The following BCAS3 variants were observed in gnomAD, a reference collection of about 807,000 sequenced individuals.
BCAS3 encodes BCAS4/BCAS3 fusion.
A neutral mutation model predicts 116.1 loss-of-function variants in BCAS3; 53 were observed. The ratio of observed to expected loss-of-function variants is 0.46; its 90% CI spans 0.37 to 0.57. The LOEUF (loss-of-function observed/expected upper bound fraction) is 0.57, where lower values mean the gene tolerates loss of function less well. Ranked by LOEUF, BCAS3 falls within the 20% of genes least tolerant of loss-of-function variation. The pLI is 0.00. For missense variants in BCAS3, 917 were observed against 1,165.4 expected, an observed-to-expected ratio of 0.79 and a Z score of 3.10; for synonymous variants, 391 against 408.2, an observed-to-expected ratio of 0.96 and a Z score of 0.51.
intron 14 of BCAS3, among the ~76,000 whole-genome samples, 192 bp from the exon 15 acceptor site, chr17:60,989,779 T>G (rs1011311921): frequency 5.9e-5 from 9 of 152,212 alleles, no homozygotes; most frequent in African/African-American, 2.2e-4. Context: ...GAAGTAACAT[T>G]CTACCTAATG....
chr17:60,843,550 C>T lies in BCAS3; in HGVS notation c.477-25026C>T, dbSNP rs188437935. Reference sequence around the variant, plus strand: ...ATTTGTTGAAGTTAAGAATATATCCCATCTCCATATTTTTGGCAAGATGTG... The same window carrying T: ...ATTTGTTGAAGTTAAGAATATATCCTATCTCCATATTTTTGGCAAGATGTG... On this transcript the variant is annotated intron_variant, in intron 7 of 23. Coordinates refer to ENST00000407086, the MANE Select transcript of BCAS3 (RefSeq NM_017679.5). Among the ~76,000 whole-genome samples, 20 of 152,152 alleles carry T rather than the reference C, an allele frequency of 1.3e-4. No individual in the cohort carries two copies. The East Asian group carries it at 3.9e-3, about 29-fold the overall frequency.
chr17:61,076,854 C>T (rs1413365883), intron 20 of BCAS3, among the ~76,000 whole-genome samples: 5 of 152,200 alleles, frequency 3.3e-5, no homozygotes, highest in Admixed American at 3.3e-4. Context: ...GAGCATTTTT[C>T]TCCCTGTGAT....
At chr17:61,177,662 A>G (rs2079223655) in intron 22 of BCAS3, among the ~76,000 whole-genome samples, 2 of 152,172 alleles carry the variant, frequency 1.3e-5, no homozygotes. Flanking sequence ...TACATATGTT[A>G]AAACTTGTAA....
chr17:60,989,894 T>G (rs1181126451), intron 14 of BCAS3, 77 bp from the exon 15 acceptor site: 1 of 1,440,914 alleles, frequency 6.9e-7, no homozygotes, highest in Non-Finnish European at 9.5e-7. Context: ...TATATTCATA[T>G]TTGGTGATGT....
In BCAS3 at chr17:61,302,689, T is replaced by G. The variant is rs1015134995; in HGVS notation, c.2426-65638T>G. ...ACAGAATTCTAGAATTCATATTTTT[T>G]TTTCAGCTTTGAAAGAACAGACAAC... On this transcript the variant is annotated intron_variant, in intron 22 of 23. Transcript: ENST00000407086. The surrounding 1 kb of genome is among the most constrained non-coding windows in gnomAD (Gnocchi z 4.4). Among the ~76,000 whole-genome samples, 1 of 152,202 alleles carries G rather than the reference T, an allele frequency of 6.6e-6. No homozygotes were observed. Among genetic ancestry groups the G allele is most frequent in the Non-Finnish European group, 1.5e-5 (1 of 68,032 alleles).
intron 22 of BCAS3, among the ~76,000 whole-genome samples, chr17:61,264,805 T>C (rs2049532932): frequency 6.6e-6 from 1 of 152,198 alleles, no homozygotes. Flanking sequence ...GACATGAGAA[T>C]GGGAAATGGC....
rs1389210623 is a variant in BCAS3 at position 61,152,868 on chromosome 17, A to T, written c.2425+68304A>T. ...AAGGATCTAAAACAGCCTCCTGGAG[A>T]TTTATTTTTCTGTAAGGGAATCCCT... On this transcript the variant is annotated intron_variant, in intron 22 of 23. Coordinates refer to ENST00000407086, the MANE Select transcript of BCAS3 (RefSeq NM_017679.5). Among the ~76,000 whole-genome samples, 8 of 152,242 alleles carry T rather than the reference A, an allele frequency of 5.3e-5. No homozygotes were observed. The South Asian group carries it at 1.5e-3, about 28-fold the overall frequency.
intron 4 of BCAS3, among the ~76,000 whole-genome samples, chr17:60,694,243 T>C (rs369173300): frequency 0.017 from 2,466 of 148,982 alleles, 37 homozygotes; most frequent in African/African-American, 0.044. Context: ...TGGCTCATGC[T>C]TGTAATCCCA....
At chr17:61,271,424 A>T (rs868689498) in intron 22 of BCAS3, among the ~76,000 whole-genome samples, 204 of 70,212 alleles carry the variant, frequency 2.9e-3, no homozygotes, top group South Asian at 7.7e-3. Context: ...CCATGCCCGG[A>T]TTTTTTTTTT....
At chr17:60,877,728 G>C (rs1475324989) in intron 9 of BCAS3, among the ~76,000 whole-genome samples, 1 of 152,116 alleles carries the variant, frequency 6.6e-6, no homozygotes, top group Non-Finnish European at 1.5e-5. Context: ...TTAAGTCCTG[G>C]TCAAGTGGCT....
In BCAS3 at chr17:61,136,970, C is replaced by T. The variant is rs114994269; in HGVS notation, c.2425+52406C>T. On this transcript the variant is annotated intron_variant, in intron 22 of 23. Coordinates refer to ENST00000407086, the MANE Select transcript of BCAS3 (RefSeq NM_017679.5). This position sits in a 1 kb window ranked among gnomAD's most constrained non-coding sequence, Gnocchi z 4.4. ...TAGTTGATTCACATTGAATTGTATA[C>T]ATCAAATGTAAGAATTATGAATTAC... is the stretch of plus-strand genomic sequence containing the variant. Among the ~76,000 whole-genome samples, 472 of 152,222 alleles carry T rather than the reference C, an allele frequency of 3.1e-3. 3 individuals are homozygous for T. The highest frequency in any genetic ancestry group is 0.011 in the African/African-American group (456 of 41,516).
chr17:61,307,322 A>G lies in BCAS3; in HGVS notation c.2426-61005A>G, dbSNP rs1357662435. Among the ~76,000 whole-genome samples the G allele has an allele frequency of 6.6e-6, 1 of 152,246 alleles. No homozygotes were observed. The highest frequency in any genetic ancestry group is 1.5e-5 in the Non-Finnish European group (1 of 68,042). On this transcript the variant is annotated intron_variant, in intron 22 of 23. Coordinates refer to ENST00000407086, the MANE Select transcript of BCAS3 (RefSeq NM_017679.5). The surrounding 1 kb of genome is among the most constrained non-coding windows in gnomAD (Gnocchi z 4.7). ...TTTAATTTACTTTTTGGGGAACGAA[A>G]AAAACTACCTGTAATTTTTCCTGTC...
chr17:60,980,689 A>G (rs1301790660), intron 14 of BCAS3: 1 of 152,020 alleles, frequency 6.6e-6, no homozygotes, highest in African/African-American at 2.4e-5. Flanking sequence ...GCACACCAGT[A>G]TGCCCAGCTA....
rs927657242 is a variant in BCAS3, at chr17:61,104,090, A to G, written c.2425+19526A>G. Reference sequence around the variant, plus strand: ...TCTTATGATACGTTGGAATAAAAGAAAAAACTTTTCTAAAGTTACAAATGG... The same window carrying G: ...TCTTATGATACGTTGGAATAAAAGAGAAAACTTTTCTAAAGTTACAAATGG... On this transcript the variant is annotated intron_variant, in intron 22 of 23. Transcript: ENST00000407086. This position sits in a 1 kb window ranked among gnomAD's most constrained non-coding sequence, Gnocchi z 4.1. 4.6e-5 allele frequency among the ~76,000 whole-genome samples: 7 copies of G among 152,202 alleles called. No individual in the cohort carries two copies. Among genetic ancestry groups the G allele is most frequent in the African/African-American group, 1.7e-4 (7 of 41,456 alleles).
At chr17:60,992,665 C>T (rs1364011251) in intron 15 of BCAS3, among the ~76,000 whole-genome samples, 1 of 151,032 alleles carries the variant, frequency 6.6e-6, no homozygotes, top group Non-Finnish European at 1.5e-5. Flanking sequence ...CATGTGCCCC[C>T]GAACATAAAA....
At chr17:60,900,096 G>A (rs2057780678) in intron 10 of BCAS3, 1 of 151,544 alleles carries the variant, frequency 6.6e-6, no homozygotes, top group Admixed American at 6.6e-5. Flanking sequence ...TGGAAATAGA[G>A]CAGGTCAAAA....
intron 7 of BCAS3, among the ~76,000 whole-genome samples, chr17:60,825,946 C>G (rs1317122026): frequency 6.6e-6 from 1 of 151,652 alleles, no homozygotes; most frequent in Non-Finnish European, 1.5e-5. Flanking sequence ...TAACCTCCGC[C>G]TCCCAGGTTC....
At chr17:60,682,566 A>G (rs1038565466) in intron 2 of BCAS3, among the ~76,000 whole-genome samples, 10 of 152,018 alleles carry the variant, frequency 6.6e-5, no homozygotes, top group African/African-American at 2.4e-4. Flanking sequence ...TTTTTTGCCC[A>G]AGCTGGAGTG....
At position 61,041,991 on chromosome 17, in the gene BCAS3, G is replaced by A. The variant is rs190482841; in HGVS notation, c.2029+1099G>A. Among the ~76,000 whole-genome samples, 224 of 152,136 alleles carry A rather than the reference G, an allele frequency of 1.5e-3. 2 individuals are homozygous for A. The highest frequency in any genetic ancestry group is 4.6e-3 in the African/African-American group (193 of 41,538). ...TAAAAAAGTAAAATAAAGTGGGGTA[G>A]GTGTGTCAGTGGAGGGTTATAAATT... On this transcript the variant is annotated intron_variant, in intron 19 of 23. Transcript: ENST00000407086. This position sits in a 1 kb window ranked among gnomAD's most constrained non-coding sequence, Gnocchi z 4.7.
Sources: allele counts gnomAD v4.1 joint callset (sites outside exome capture counted in the v4.1 genomes callset), GRCh38; gene constraint gnomAD v4.1.1; non-coding constraint Gnocchi (gnomAD v3.1); transcripts MANE v1.5; gene names NCBI Gene and HGNC (gene_info 2026-07-23, HGNC 2026-07-21).